The following RAP1GDS1 variants were observed in gnomAD, a reference collection of about 807,000 sequenced individuals.
RAP1GDS1 encodes the protein Rap1 GTPase-GDP dissociation stimulator 1, also known as RAP1, GTP-GDP dissociation stimulator 1.
In RAP1GDS1, 35 loss-of-function variants were observed where a neutral mutation model predicts 71.1. The observed-to-expected ratio is 0.49, with a 90% CI of 0.38 to 0.65. The LOEUF (loss-of-function observed/expected upper bound fraction) is 0.65. Ranked by LOEUF, RAP1GDS1 falls within the 30% of genes least tolerant of loss-of-function variation. The probability of loss-of-function intolerance (pLI) is 0.00; values close to 1 mark genes in which losing one functional copy is unlikely to be tolerated. For synonymous variants in RAP1GDS1, 229 were observed against 243.1 expected (o/e 0.94, Z 0.54); for missense variants, 663 against 706.1 (o/e 0.94, Z 0.69).
chr4:98,376,035 A>T (rs1741135670), intron 4 of RAP1GDS1, among the ~76,000 whole-genome samples: 1 of 152,048 alleles, frequency 6.6e-6, no homozygotes, highest in African/African-American at 2.4e-5. Flanking sequence ...AGGGTAATGG[A>T]AGTGCAGTAA....
At chr4:98,296,943 G>A in intron 2 of RAP1GDS1, 1 of 343,876 alleles carries the variant, frequency 2.9e-6, no homozygotes, top group South Asian at 2.0e-5. Flanking sequence ...GTGTTGCCGG[G>A]GGGACCATAA....
At chr4:98,306,743 A>T (rs938152269) in intron 2 of RAP1GDS1, among the ~76,000 whole-genome samples, 5 of 152,150 alleles carry the variant, frequency 3.3e-5, no homozygotes, top group Non-Finnish European at 7.4e-5. Context: ...GTGATTGTAG[A>T]TGTTTGAATT....
At chr4:98,330,742 C>T (rs1381073716) in intron 2 of RAP1GDS1, among the ~76,000 whole-genome samples, 5 of 151,538 alleles carry the variant, frequency 3.3e-5, no homozygotes, top group Non-Finnish European at 5.9e-5. Context: ...AGACGATGGG[C>T]GGCCAGGCAG....
chr4:98,340,840 T>C (rs1735403515), intron 2 of RAP1GDS1, among the ~76,000 whole-genome samples: 1 of 151,904 alleles, frequency 6.6e-6, no homozygotes, highest in South Asian at 2.1e-4. Context: ...ATGGATACAA[T>C]GAAGGGAACA....
intron 4 of RAP1GDS1, among the ~76,000 whole-genome samples, chr4:98,360,570 T>C (rs1435953533): frequency 6.6e-6 from 1 of 152,202 alleles, no homozygotes; most frequent in Non-Finnish European, 1.5e-5. Flanking sequence ...ACATAAGATT[T>C]CCAGTCTGCT....
chr4:98,296,982 C>T (rs552239763), intron 2 of RAP1GDS1: 127 of 260,550 alleles, frequency 4.9e-4, no homozygotes, highest in Non-Finnish European at 8.1e-4. Flanking sequence ...AAACTCTCTC[C>T]CTGAAGAAGT....
At position 98,418,723 on chromosome 4, in the gene RAP1GDS1, A is replaced by C; in HGVS notation, c.1106A>C (p.His369Pro). ...VEKLMDLLDRHVEDGNVTVQH... is the reference protein window; with the variant it reads ...VEKLMDLLDRPVEDGNVTVQH... ...AAACTTATGGATTTACTGGACAGAC[A>C]TGTAGAAGATGGAAATGTAACAGTA... The change falls in exon 10 of 15, where the codon CAT (histidine) becomes CCT (proline). Residue 369 changes from histidine to proline, a missense_variant. By Grantham distance (77) the His-to-Pro change is moderately conservative. Transcript: ENST00000408927. 6.2e-7 allele frequency: 1 copy of C among 1,613,070 alleles called. No homozygotes were observed. Among genetic ancestry groups the C allele is most frequent in the Non-Finnish European group, 8.5e-7 (1 of 1,179,526 alleles).
intron 2 of RAP1GDS1, among the ~76,000 whole-genome samples, chr4:98,325,783 GA>G: frequency 9.5e-6 from 1 of 105,468 alleles, no homozygotes; most frequent in South Asian, 4.1e-4. Flanking sequence ...GGGGTGGGGG[GA>G]GGGGGGAGGG....
intron 14 of RAP1GDS1, 97 bp downstream of exon 14, chr4:98,437,165 C>T: frequency 8.0e-7 from 1 of 1,257,608 alleles, no homozygotes; most frequent in Non-Finnish European, 1.0e-6. Flanking sequence ...GGTTTTAAAG[C>T]CGTTAGAAAT....
chr4:98,404,658 TC>T (rs1397348324), intron 7 of RAP1GDS1, 56 bp downstream of exon 7: 3 of 1,543,672 alleles, frequency 1.9e-6, no homozygotes, highest in Non-Finnish European at 2.6e-6. Flanking sequence ...TAAACTTTTT[TC>T]CTAATATTAT....
At chr4:98,356,516 G>C (rs1737994279) in intron 4 of RAP1GDS1, among the ~76,000 whole-genome samples, 1 of 151,950 alleles carries the variant, frequency 6.6e-6, no homozygotes, top group Admixed American at 6.6e-5. Context: ...ATTGTTACTT[G>C]ATCTACTGGT....
At chr4:98,431,009 C>G (rs1750321108) in intron 12 of RAP1GDS1, among the ~76,000 whole-genome samples, 1 of 152,192 alleles carries the variant, frequency 6.6e-6, no homozygotes, top group Non-Finnish European at 1.5e-5. Context: ...TGCTGACCAA[C>G]TAGCTGAATC....
At chr4:98,384,432 G>A (rs955058385) in intron 5 of RAP1GDS1, among the ~76,000 whole-genome samples, 1 of 151,514 alleles carries the variant, frequency 6.6e-6, no homozygotes. Flanking sequence ...TAGTCAGTTT[G>A]CTGAAAAAGG....
chr4:98,421,323 A>C lies in RAP1GDS1; in HGVS notation c.1369A>C (p.Lys457Gln). Residue 457 changes from lysine to glutamine, a missense_variant, in exon 12 of 15, where the codon AAA becomes CAA. By Grantham distance (53) the Lys-to-Gln change is moderately conservative. Transcript: ENST00000408927. ...VERLVEWCEA[K>Q]DHAGVMGESN... The stretch of plus-strand genomic sequence containing the variant: ...GCGTTTGGTGGAATGGTGTGAAGCC[A>C]AAGATCATGCTGGTGTGATGGGGGA... 1 of 1,612,532 alleles carries C rather than the reference A, an allele frequency of 6.2e-7. No homozygotes were observed.
rs1752077526 is a variant in RAP1GDS1 at position 98,443,021 on chromosome 4, T to TTTTTTTTTTTTTTTTTTG, written c.*905_*922dup. Reference sequence around the variant, plus strand: ...TAGTTCATTGAAGAATGGAATTTTTTTTTTTTTTTTTTTTTTTGCTGTTTT... The same window carrying TTTTTTTTTTTTTTTTTTG: ...TAGTTCATTGAAGAATGGAATTTTTTTTTTTTTTTTTTTTTTTGTTTTTTTTTTTTTTTTTGCTGTTTT... On this transcript the variant is annotated 3_prime_UTR_variant, in exon 15 of 15. Transcript: ENST00000408927. 1 of 210,076 alleles carries TTTTTTTTTTTTTTTTTTG rather than the reference T, an allele frequency of 4.8e-6. No homozygotes were observed. Among genetic ancestry groups the TTTTTTTTTTTTTTTTTTG allele is most frequent in the African/African-American group, 2.5e-5 (1 of 39,450 alleles). The allele number at this position is 210,076 out of a possible 1,614,324, so 13.0% of individuals were successfully genotyped here. A position where few individuals can be genotyped will look rare whatever the true frequency, so the allele number is the denominator to read the frequency against.
At chr4:98,412,349 C>CA (rs937260659) in intron 7 of RAP1GDS1, among the ~76,000 whole-genome samples, 32 of 151,936 alleles carry the variant, frequency 2.1e-4, no homozygotes, top group Non-Finnish European at 4.3e-4. Flanking sequence ...CCTGTCTCTA[C>CA]AAAAAAAGTT....
At position 98,345,244 on chromosome 4, in the gene RAP1GDS1, G is replaced by C. The variant is rs1736057361; in HGVS notation, c.235+1983G>C. 3.3e-5 allele frequency among the ~76,000 whole-genome samples: 5 copies of C among 152,306 alleles called. No individual in the cohort carries two copies. The South Asian group carries it at 1.0e-3, about 32-fold the overall frequency. On this transcript the variant is annotated intron_variant, in intron 3 of 14. Coordinates refer to ENST00000408927, the MANE Select transcript of RAP1GDS1 (RefSeq NM_001100427.2). ...TTAGAAATTGACGATGAAAAAGATTGTATGAACCAGAGAATATGAGGTTGG... is the reference window on the plus strand; with the variant it reads ...TTAGAAATTGACGATGAAAAAGATTCTATGAACCAGAGAATATGAGGTTGG...
chr4:98,317,812 CTA>C (rs535958236), intron 2 of RAP1GDS1, among the ~76,000 whole-genome samples: 1 of 129,538 alleles, frequency 7.7e-6, no homozygotes. Context: ...TGATATTTGA[CTA>C]TATATATATA....
At chr4:98,438,589 T>TA (rs1751472705) in intron 14 of RAP1GDS1, among the ~76,000 whole-genome samples, 2 of 119,178 alleles carry the variant, frequency 1.7e-5, no homozygotes, top group African/African-American at 3.9e-5. Flanking sequence ...TATATATATA[T>TA]CTTTTTTTTT....
Sources: gnomAD v4.1 joint callset for allele counts (sites outside exome capture counted in the v4.1 genomes callset) on GRCh38, gnomAD v4.1.1 for gene constraint, MANE v1.5 for transcripts, NCBI Gene and HGNC (gene_info 2026-07-23, HGNC 2026-07-21) for gene names.